GSDME: variants seen among roughly 807,000 people sequenced by gnomAD.
GSDME encodes the protein gasdermin-E.
Under a neutral mutation model 47.5 loss-of-function variants are expected in GSDME, and 44 were observed. That is an observed-to-expected ratio of 0.93 (90% CI 0.73 to 1.19). GSDME has a LOEUF of 1.19. Ranked by LOEUF, GSDME falls within the 50% of genes most tolerant of loss-of-function variation. The pLI is 0.00. For synonymous variants in GSDME, 258 were observed against 252.8 expected, an observed-to-expected ratio of 1.02 and a Z score of -0.20; for missense variants, 663 against 604.2, an observed-to-expected ratio of 1.10 and a Z score of -1.02.
At chr7:24,702,610 A>G in intron 9 of GSDME, 150 bp downstream of exon 9, 2 of 685,932 alleles carry the variant, frequency 2.9e-6, no homozygotes, top group Non-Finnish European at 5.5e-6. Flanking sequence ...GATGTGTATA[A>G]AAGTGGGGTT....
chr7:24,700,398 T>G (rs1788817131), intron 9 of GSDME, among the ~76,000 whole-genome samples: 1 of 152,164 alleles, frequency 6.6e-6, no homozygotes, highest in Non-Finnish European at 1.5e-5. Flanking sequence ...TAGATTTCAT[T>G]TTGAAACAGG....
intron 3 of GSDME, among the ~76,000 whole-genome samples, chr7:24,740,359 C>G (rs1387519048): frequency 6.6e-6 from 1 of 150,650 alleles, no homozygotes; most frequent in Non-Finnish European, 1.5e-5. Context: ...TGAATAAGAT[C>G]TAGTATTTTA....
intron 3 of GSDME, among the ~76,000 whole-genome samples, chr7:24,734,245 C>T (rs888676753): frequency 6.6e-6 from 1 of 152,212 alleles, no homozygotes. Context: ...AATGCAGATA[C>T]AGCTGCAGTG....
chr7:24,700,650 C>T (rs1224124254), intron 9 of GSDME, among the ~76,000 whole-genome samples: 3 of 151,956 alleles, frequency 2.0e-5, no homozygotes, highest in Admixed American at 6.5e-5. Context: ...ATCAGCCTCA[C>T]GAACCTTGTA....
chr7:24,716,369 T>C lies in GSDME; in HGVS notation c.697+885A>G, dbSNP rs1789553471. The C allele has an allele frequency of 6.6e-6, 1 of 152,230 alleles. No homozygotes were observed. Among genetic ancestry groups the C allele is most frequent in the Non-Finnish European group, 1.5e-5 (1 of 68,058 alleles). 9.4% of individuals were successfully genotyped at this position (152,230 alleles called of 1,614,324 possible). ...AAACCACAGACATATTACCATTTCA[T>C]CCGTGAATGTTTCAGTGTACATCTC... is the stretch of plus-strand genomic sequence containing the variant. On this transcript the variant is annotated intron_variant, in intron 5 of 9. Coordinates refer to ENST00000645220, the MANE Select transcript of GSDME (RefSeq NM_001127453.2). The surrounding 1 kb of genome is among the most constrained non-coding windows in gnomAD (Gnocchi z 4.5).
chr7:24,728,038 CAG>C lies in GSDME; in HGVS notation c.405-8822_405-8821del, dbSNP rs1790026987. Among the ~76,000 whole-genome samples, 1 of 152,208 alleles carries C rather than the reference CAG, an allele frequency of 6.6e-6. No homozygotes were observed. The highest frequency in any genetic ancestry group is 1.5e-5 in the Non-Finnish European group (1 of 68,032). On this transcript the variant is annotated intron_variant, in intron 3 of 9. Transcript: ENST00000645220. The surrounding 1 kb of genome is among the most constrained non-coding windows in gnomAD (Gnocchi z 7.2). ...GGGGGGCTGTAACGGGAGGAAGAGACAGGGTGCACCCAGCCCTGCCAATGAGT... is the reference window on the plus strand; with the variant it reads ...GGGGGGCTGTAACGGGAGGAAGAGACGGTGCACCCAGCCCTGCCAATGAGT...
intron 4 of GSDME, among the ~76,000 whole-genome samples, chr7:24,717,719 T>A (rs1789623130): frequency 6.6e-6 from 1 of 152,216 alleles, no homozygotes; most frequent in South Asian, 2.1e-4. Flanking sequence ...ACTGAAATCC[T>A]AATGAAAACC....
intron 8 of GSDME, chr7:24,703,480 G>A (rs577649372): frequency 6.3e-6 from 1 of 159,624 alleles, no homozygotes; most frequent in South Asian, 1.8e-4. Flanking sequence ...TATTCAAAGT[G>A]GATATTAAAC....
chr7:24,788,330 G>A, the GSDME span, among the ~76,000 whole-genome samples: 14 of 152,104 alleles, frequency 9.2e-5, no homozygotes, highest in African/African-American at 3.4e-4. The surrounding 1 kb of genome is among the most constrained non-coding windows in gnomAD (Gnocchi z 4.6). Flanking sequence ...TCCTTACTCT[G>A]GGCTGAATTT....
In GSDME at chr7:24,705,591, A is replaced by C. The variant is rs955800176; in HGVS notation, c.1183+593T>G. On this transcript the variant is annotated intron_variant, in intron 8 of 9. Coordinates refer to ENST00000645220, the MANE Select transcript of GSDME (RefSeq NM_001127453.2). This position sits in a 1 kb window ranked among gnomAD's most constrained non-coding sequence, Gnocchi z 4.1. The stretch of plus-strand genomic sequence containing the variant: ...GGCGAGTTCCGGATGGGAGGGGTAC[A>C]GAGGTGGCAGAGATTGTTCCACAGT... 2 of 167,536 alleles carry C rather than the reference A, an allele frequency of 1.2e-5. No individual in the cohort carries two copies. Among genetic ancestry groups the C allele is most frequent in the African/African-American group, 2.4e-5 (1 of 41,676 alleles). The allele number at this position is 167,536 out of a possible 1,614,324, so 10.4% of individuals were successfully genotyped here.
At chr7:24,702,560 A>C (rs1241117814) in intron 9 of GSDME, 200 bp downstream of exon 9, 1 of 548,388 alleles carries the variant, frequency 1.8e-6, no homozygotes, top group African/African-American at 1.9e-5. Flanking sequence ...TTATTTGGAC[A>C]AATCATTTTC....
chr7:24,769,063 G>T, the GSDME span, among the ~76,000 whole-genome samples: 3 of 152,232 alleles, frequency 2.0e-5, no homozygotes, highest in African/African-American at 7.2e-5. Flanking sequence ...AAGGGACCTG[G>T]AAGTCGTTGC....
At chr7:24,771,942 TC>T in the GSDME span, among the ~76,000 whole-genome samples, 260 of 152,278 alleles carry the variant, frequency 1.7e-3, no homozygotes, top group Middle Eastern at 3.4e-3. This position sits in a 1 kb window ranked among gnomAD's most constrained non-coding sequence, Gnocchi z 4.1. Flanking sequence ...GCTATTATCA[TC>T]CCATTTGAAA....
Position 24,744,697 on chromosome 7 carries a change from C to A in GSDME, c.269G>T (p.Gly90Val). ...CTTCCCCAGTGCAGTCTCCAGGGTT[C>A]CACTCACGTGGTTTGCAAACTTGCC... The part of the protein sequence containing the change: ...YEGKFANHVS[G>V]TLETALGKVK... Residue 90 changes from glycine to valine, a missense_variant, in exon 3 of 10, where the codon GGA becomes GTA. Transcript: ENST00000645220. The surrounding 1 kb of genome is among the most constrained non-coding windows in gnomAD (Gnocchi z 4.5). 1 of 1,614,148 alleles carries A rather than the reference C, an allele frequency of 6.2e-7. No individual in the cohort carries two copies. Among genetic ancestry groups the A allele is most frequent in the Non-Finnish European group, 8.5e-7 (1 of 1,180,038 alleles).
chr7:24,703,332 A>G (rs1788957841), intron 8 of GSDME: 1 of 262,146 alleles, frequency 3.8e-6, no homozygotes, highest in Non-Finnish European at 7.4e-6. Context: ...AGGAAAATGC[A>G]GTGTAGCTTT....
intron 3 of GSDME, among the ~76,000 whole-genome samples, chr7:24,731,750 T>G (rs1395697846): frequency 1.3e-5 from 2 of 152,264 alleles, no homozygotes; most frequent in African/African-American, 4.8e-5. Context: ...GATCCCATTT[T>G]GCTAATCAAA....
chr7:24,760,803 C>G (rs1172983144), upstream of GSDME, among the ~76,000 whole-genome samples: 3 of 152,156 alleles, frequency 2.0e-5, no homozygotes, highest in Non-Finnish European at 4.4e-5. This position sits in a 1 kb window ranked among gnomAD's most constrained non-coding sequence, Gnocchi z 4.2. Flanking sequence ...ATGCATATTA[C>G]TAATTACTGC....
Position 24,728,630 on chromosome 7 carries a change from G to A in GSDME, c.405-9412C>T, listed in dbSNP as rs139696648. Among the ~76,000 whole-genome samples, 62 of 152,296 alleles carry A rather than the reference G, an allele frequency of 4.1e-4. No individual in the cohort carries two copies. The highest frequency in any genetic ancestry group is 1.4e-3 in the African/African-American group (60 of 41,556). On this transcript the variant is annotated intron_variant, in intron 3 of 9. Transcript: ENST00000645220. The surrounding 1 kb of genome is among the most constrained non-coding windows in gnomAD (Gnocchi z 7.2). The stretch of plus-strand genomic sequence containing the variant: ...ATGCTTGATTGTTAAAGAACTGGCA[G>A]TCTTTCTGCTCCATCCCATGAGAGC...
At chr7:24,720,173 T>C (rs1275927757) in intron 3 of GSDME, among the ~76,000 whole-genome samples, 1 of 152,226 alleles carries the variant, frequency 6.6e-6, no homozygotes, top group Non-Finnish European at 1.5e-5. Flanking sequence ...ACCCAGCCAC[T>C]TGAAATTCTG....
Sources: allele counts gnomAD v4.1 joint callset (sites outside exome capture counted in the v4.1 genomes callset), GRCh38; gene constraint gnomAD v4.1.1; non-coding constraint Gnocchi (gnomAD v3.1); transcripts MANE v1.5; gene names NCBI Gene and HGNC (gene_info 2026-07-23, HGNC 2026-07-21).